Variants in FBLN7 observed in about 807,000 individuals in gnomAD.
The protein encoded by FBLN7 is fibulin 7.
In FBLN7, 31 loss-of-function variants were observed where a neutral mutation model predicts 44.0. The ratio of observed to expected loss-of-function variants is 0.70; its 90% CI spans 0.53 to 0.95. FBLN7 has a LOEUF of 0.95. FBLN7 is among the 40% of genes least tolerant of loss of function. FBLN7 has a pLI of 0.00. For missense variants in FBLN7, 573 were observed against 618.5 expected (o/e 0.93, Z 0.78); for synonymous variants, 262 against 253.4 (o/e 1.03, Z -0.32).
Position 112,173,513 on chromosome 2 carries a change from TAAAAG to T in FBLN7, c.407-2196_407-2192del, listed in dbSNP as rs1257150784. On this transcript the variant is annotated intron_variant, in intron 3 of 7. Coordinates refer to ENST00000331203, the MANE Select transcript of FBLN7 (RefSeq NM_153214.3). ...ATAGAACCCAGGAAGGAATTAGAAATAAAAGAAAAAAGTCAGGAAGGAATTAGAAA... is the reference window on the plus strand; with the variant it reads ...ATAGAACCCAGGAAGGAATTAGAAATAAAAAAGTCAGGAAGGAATTAGAAA... Among the ~76,000 whole-genome samples the T allele has an allele frequency of 2.7e-5, 4 of 147,682 alleles. No homozygotes were observed. In the East Asian group the frequency reaches 8.0e-4, roughly 29 times the overall value.
At chr2:112,145,287 T>C (rs998471413) in intron 1 of FBLN7, among the ~76,000 whole-genome samples, 1 of 152,156 alleles carries the variant, frequency 6.6e-6, no homozygotes, top group Non-Finnish European at 1.5e-5. Context: ...AAAAATTGAT[T>C]GTTTGTTTCT....
At chr2:112,208,736 A>G in the FBLN7 span, among the ~76,000 whole-genome samples, 1 of 152,160 alleles carries the variant, frequency 6.6e-6, no homozygotes, top group Non-Finnish European at 1.5e-5. Context: ...AGTTTTTAAT[A>G]TTATCTACAT....
At chr2:112,185,177 C>T (rs377763966) in intron 6 of FBLN7, 24 bp from the exon 7 acceptor site, 17 of 1,602,680 alleles carry the variant, frequency 1.1e-5, no homozygotes, top group Middle Eastern at 1.7e-4. Context: ...GCGATTCTCA[C>T]CTGTTGTATG....
chr2:112,171,691 C>T (rs1056027515), intron 3 of FBLN7, among the ~76,000 whole-genome samples: 1 of 152,182 alleles, frequency 6.6e-6, no homozygotes, highest in Non-Finnish European at 1.5e-5. Flanking sequence ...TATTCAGTAT[C>T]ATCTGTGTAT....
In FBLN7 at chr2:112,187,441, G is replaced by C. The variant is rs746489625; in HGVS notation, c.1255G>C (p.Asp419His). 1 of 1,614,044 alleles carries C rather than the reference G, an allele frequency of 6.2e-7. No homozygotes were observed. The highest frequency in any genetic ancestry group is 1.3e-5 in the African/African-American group (1 of 74,916). Residue 419 changes from aspartate (D) to histidine (H), a missense_variant, in exon 8 of 8, where the codon GAC (aspartate) becomes CAC (histidine). Physicochemically the swap from Asp to His is moderately conservative, Grantham distance 81. Coordinates refer to ENST00000331203, the MANE Select transcript of FBLN7 (RefSeq NM_153214.3). The surrounding 1 kb of genome is among the most constrained non-coding windows in gnomAD (Gnocchi z 5.1). ...GGACGTCGACATGTCGGAATACCTG[G>C]ACCGCTCCTTCCAGGCCAACCACGT... ...EVDVDMSEYL[D>H]RSFQANHVSK...
At position 112,184,623 on chromosome 2, in the gene FBLN7, TAAAA is replaced by T. The variant is rs549350810; in HGVS notation, c.809-574_809-571del. 3.6e-4 allele frequency among the ~76,000 whole-genome samples: 47 copies of T among 130,430 alleles called. 1 individual carries two copies. The South Asian group carries it at 0.011, about 31-fold the overall frequency. The allele number at this position is 130,430 out of a possible 152,430, so 85.6% of individuals were successfully genotyped here. A position where few individuals can be genotyped will look rare whatever the true frequency, so the allele number is the denominator to read the frequency against. The stretch of plus-strand genomic sequence containing the variant: ...GAAGACTTTCTAGAAGATTCTAATT[TAAAA>T]AAAGTGTGTGTATATATAGTATATA... On this transcript the variant is annotated intron_variant, in intron 6 of 7. Transcript: ENST00000331203.
intron 1 of FBLN7, among the ~76,000 whole-genome samples, chr2:112,155,996 C>T (rs1471436640): frequency 3.9e-5 from 6 of 152,338 alleles, no homozygotes; most frequent in South Asian, 2.1e-4. Flanking sequence ...TGCGGCTCCG[C>T]GAACCCACTT....
the FBLN7 span, among the ~76,000 whole-genome samples, chr2:112,241,908 A>G: frequency 4.5e-3 from 680 of 152,320 alleles, 8 homozygotes; most frequent in African/African-American, 0.016. Context: ...AAAAACTTGA[A>G]AAGGGGTCCA....
chr2:112,210,690 A>G, the FBLN7 span, among the ~76,000 whole-genome samples: 189 of 151,862 alleles, frequency 1.2e-3, 1 homozygote, highest in African/African-American at 4.4e-3. Context: ...GGAAAGGTAG[A>G]AAATTGGACT....
the FBLN7 span, among the ~76,000 whole-genome samples, chr2:112,244,335 C>G: frequency 6.6e-6 from 1 of 152,204 alleles, no homozygotes; most frequent in African/African-American, 2.4e-5. Context: ...GAAATGTTAA[C>G]AAGAACTCAA....
At chr2:112,237,860 C>G in the FBLN7 span, among the ~76,000 whole-genome samples, 1 of 152,158 alleles carries the variant, frequency 6.6e-6, no homozygotes, top group African/African-American at 2.4e-5. Flanking sequence ...AGCCACCATG[C>G]CTGGCCAAAA....
chr2:112,189,449 G>A (rs770090004), downstream of FBLN7: 6 of 152,394 alleles, frequency 3.9e-5, no homozygotes, highest in Non-Finnish European at 7.3e-5. Context: ...TGTGGATAAT[G>A]GCTGGGCACT....
chr2:112,191,421 C>G (rs1184784231), downstream of FBLN7, among the ~76,000 whole-genome samples: 2 of 152,154 alleles, frequency 1.3e-5, no homozygotes, highest in African/African-American at 4.8e-5. Context: ...AGTGGTCTGC[C>G]CGCCTCGGCC....
At position 112,175,703 on chromosome 2, in the gene FBLN7, T is replaced by C. The variant is rs749790177; in HGVS notation, c.407-11T>C. On this transcript the variant is annotated splice_polypyrimidine_tract_variant and intron_variant, in intron 3 of 7. Transcript: ENST00000331203. ...CACATCCGTATATTTGAAAATTATT[T>C]ATCTTCCTAGGTATCAGTGAATGCT... 22 of 1,613,582 alleles carry C rather than the reference T, an allele frequency of 1.4e-5. No homozygotes were observed. In the Middle Eastern group the frequency reaches 8.2e-4, roughly 60 times the overall value.
At chr2:112,235,164 TAC>T in the FBLN7 span, among the ~76,000 whole-genome samples, 4 of 152,282 alleles carry the variant, frequency 2.6e-5, no homozygotes, top group East Asian at 1.9e-4. Flanking sequence ...AATTTTTGCA[TAC>T]AGTTTTAGGA....
chr2:112,147,286 G>T (rs536052174), intron 1 of FBLN7, among the ~76,000 whole-genome samples: 1 of 152,234 alleles, frequency 6.6e-6, no homozygotes, highest in East Asian at 1.9e-4. Context: ...TATCTTTCAA[G>T]AAATTGGTCC....
At chr2:112,159,441 C>T (rs1681606237) in intron 1 of FBLN7, among the ~76,000 whole-genome samples, 1 of 152,142 alleles carries the variant, frequency 6.6e-6, no homozygotes, top group Admixed American at 6.5e-5. Context: ...ACTGTTCATC[C>T]ACCCGGTCAT....
intron 4 of FBLN7, among the ~76,000 whole-genome samples, chr2:112,178,974 G>C (rs1237656997): frequency 6.6e-6 from 1 of 152,172 alleles, no homozygotes; most frequent in Non-Finnish European, 1.5e-5. Context: ...CGTAGTATTG[G>C]AAGTCCTGGC....
In FBLN7 at chr2:112,150,116, C is replaced by T. The variant is rs139804879; in HGVS notation, c.76-9560C>T. Among the ~76,000 whole-genome samples, 333 of 152,330 alleles carry T rather than the reference C, an allele frequency of 2.2e-3. 1 individual carries two copies. Among genetic ancestry groups the T allele is most frequent in the Admixed American group, 6.9e-3 (105 of 15,302 alleles). On this transcript the variant is annotated intron_variant, in intron 1 of 7. Coordinates refer to ENST00000331203, the MANE Select transcript of FBLN7 (RefSeq NM_153214.3). ...CCATCTGGTTGGCCACTATCTGAGA[C>T]GTTTCCCCGTCTGCTGGAGATTAGT... is the stretch of plus-strand genomic sequence containing the variant.
Sources: gnomAD v4.1 joint callset for allele counts (sites outside exome capture counted in the v4.1 genomes callset) on GRCh38, gnomAD v4.1.1 for gene constraint, Gnocchi (gnomAD v3.1) non-coding constraint, MANE v1.5 for transcripts, NCBI Gene and HGNC (gene_info 2026-07-23, HGNC 2026-07-21) for gene names.